The following QTMAN variants were observed in gnomAD, a reference collection of about 807,000 sequenced individuals.
The protein encoded by QTMAN is queuosine-tRNA mannosyltransferase.
the QTMAN span, among the ~76,000 whole-genome samples, chr2:144,167,769 A>G: frequency 8.5e-5 from 13 of 152,114 alleles, no homozygotes; most frequent in East Asian, 7.7e-4. Flanking sequence ...AGCCTTCGGT[A>G]TTTCTTCATA....
the QTMAN span, among the ~76,000 whole-genome samples, chr2:144,170,463 A>C: frequency 6.6e-6 from 1 of 152,148 alleles, no homozygotes; most frequent in Non-Finnish European, 1.5e-5. Flanking sequence ...GATGATGCAA[A>C]GGGAGTGGGT....
At chr2:143,975,105 A>G in the QTMAN span, among the ~76,000 whole-genome samples, 3 of 152,268 alleles carry the variant, frequency 2.0e-5, no homozygotes, top group South Asian at 2.1e-4. Context: ...TACAGCAAGA[A>G]CAGCTTTTAT....
the QTMAN span, among the ~76,000 whole-genome samples, chr2:144,133,261 A>T: frequency 1.2e-4 from 8 of 65,320 alleles, no homozygotes; most frequent in African/African-American, 6.4e-4. Flanking sequence ...ATATAAATAT[A>T]TATAAATATA....
At chr2:144,281,395 CAA>C in the QTMAN span, among the ~76,000 whole-genome samples, 1,186 of 60,588 alleles carry the variant, frequency 0.02, 6 homozygotes, top group African/African-American at 0.041. Context: ...ATTGTTATAG[CAA>C]AAAAAAAAAA....
chr2:144,332,991 T>C, the QTMAN span, among the ~76,000 whole-genome samples: 1 of 152,174 alleles, frequency 6.6e-6, no homozygotes, highest in Non-Finnish European at 1.5e-5. Context: ...CCCGGCCTAC[T>C]AGAGCCTCAG....
chr2:144,219,935 A>C, the QTMAN span, among the ~76,000 whole-genome samples: 1 of 152,366 alleles, frequency 6.6e-6, no homozygotes. Context: ...AGTATTCAGT[A>C]AAAGTACATT....
chr2:144,143,555 T>G, the QTMAN span, among the ~76,000 whole-genome samples: 1 of 151,998 alleles, frequency 6.6e-6, no homozygotes, highest in East Asian at 1.9e-4. Flanking sequence ...ATACAAGTAT[T>G]GTTTATTAGT....
At chr2:144,086,825 C>A in the QTMAN span, among the ~76,000 whole-genome samples, 2 of 152,154 alleles carry the variant, frequency 1.3e-5, no homozygotes, top group African/African-American at 4.8e-5. Flanking sequence ...AAGAATGCTT[C>A]TTGGTTCCTC....
the QTMAN span, among the ~76,000 whole-genome samples, chr2:143,958,370 AT>A: frequency 6.6e-6 from 1 of 152,156 alleles, no homozygotes. Context: ...GTCCTGGTTA[AT>A]TTTAGAAATT....
At chr2:144,077,467 A>G in the QTMAN span, among the ~76,000 whole-genome samples, 6 of 152,218 alleles carry the variant, frequency 3.9e-5, no homozygotes, top group East Asian at 1.2e-3. Context: ...CTATACCTCC[A>G]GATACTGATC....
the QTMAN span, among the ~76,000 whole-genome samples, chr2:144,037,049 T>A: frequency 6.6e-6 from 1 of 152,296 alleles, no homozygotes; most frequent in South Asian, 2.1e-4. Context: ...ATTCAATTTA[T>A]ACGAATACAT....
At chr2:144,326,654 T>C in the QTMAN span, among the ~76,000 whole-genome samples, 2 of 151,880 alleles carry the variant, frequency 1.3e-5, no homozygotes, top group East Asian at 1.9e-4. Context: ...TCTAAGCTTC[T>C]TGAATTAATT....
chr2:143,965,459 T>G, the QTMAN span, among the ~76,000 whole-genome samples: 1 of 152,214 alleles, frequency 6.6e-6, no homozygotes, highest in Non-Finnish European at 1.5e-5. Context: ...TTATTTCCCT[T>G]TCCCATCTCC....
At chr2:144,118,975 C>T in the QTMAN span, among the ~76,000 whole-genome samples, 1 of 152,156 alleles carries the variant, frequency 6.6e-6, no homozygotes, top group Non-Finnish European at 1.5e-5. Flanking sequence ...CCAGAACTTA[C>T]TCAGGGTCTG....
At chr2:144,089,642 T>G in the QTMAN span, among the ~76,000 whole-genome samples, 6 of 151,958 alleles carry the variant, frequency 3.9e-5, no homozygotes, top group Admixed American at 1.3e-4. Context: ...TGCAACAACA[T>G]ACATGGAACT....
the QTMAN span, among the ~76,000 whole-genome samples, chr2:143,965,585 G>T: frequency 6.6e-6 from 1 of 152,140 alleles, no homozygotes; most frequent in Non-Finnish European, 1.5e-5. Flanking sequence ...CTCAATCTAG[G>T]CACTATTGAC....
the QTMAN span, among the ~76,000 whole-genome samples, chr2:144,017,778 C>G: frequency 6.6e-6 from 1 of 152,094 alleles, no homozygotes; most frequent in Non-Finnish European, 1.5e-5. Flanking sequence ...TTAATCGTTA[C>G]TAGAGAAACA....
At chr2:144,312,459 C>A in the QTMAN span, among the ~76,000 whole-genome samples, 10 of 152,062 alleles carry the variant, frequency 6.6e-5, no homozygotes, top group Non-Finnish European at 1.0e-4. Flanking sequence ...ACCACTTGCA[C>A]GACAAAAAAA....
At chr2:144,284,376 A>G in the QTMAN span, among the ~76,000 whole-genome samples, 1 of 152,114 alleles carries the variant, frequency 6.6e-6, no homozygotes, top group East Asian at 1.9e-4. Flanking sequence ...CCTACATGAT[A>G]TATAAAATTT....
Sources: allele counts gnomAD v4.1 joint callset (sites outside exome capture counted in the v4.1 genomes callset), GRCh38; gene constraint gnomAD v4.1.1; transcripts MANE v1.5; gene names NCBI Gene and HGNC (gene_info 2026-07-23, HGNC 2026-07-21).